The following TNFRSF18 variants were observed in gnomAD, a reference collection of about 807,000 sequenced individuals.
TNFRSF18 encodes tumor necrosis factor receptor superfamily member 18.
A neutral mutation model predicts 30.2 loss-of-function variants in TNFRSF18; 36 were observed. The ratio of observed to expected loss-of-function variants is 1.19; its 90% CI spans 0.91 to 1.58. The LOEUF (loss-of-function observed/expected upper bound fraction) is 1.58, where lower values mean the gene tolerates loss of function less well. TNFRSF18 is among the 40% of genes most tolerant of loss of function. The probability of loss-of-function intolerance (pLI) is 0.00; values close to 1 mark genes in which losing one functional copy is unlikely to be tolerated. For missense variants in TNFRSF18, 369 were observed against 345.4 expected (o/e 1.07, Z -0.54); for synonymous variants, 173 against 158.3 (o/e 1.09, Z -0.70).
chr1:1,206,370 A>C lies in TNFRSF18; in HGVS notation c.187+15T>G, dbSNP rs775624219. 3 of 1,545,348 alleles carry C rather than the reference A, an allele frequency of 1.9e-6. No individual in the cohort carries two copies. In the South Asian group the frequency reaches 3.6e-5, roughly 18 times the overall value. ...GCCTTGGCCGGTCCGCGTTAAGTAA[A>C]CGCGGTTTACTTACCCGGGTAATCG... On this transcript the variant is annotated intron_variant, in intron 1 of 4. Coordinates refer to ENST00000379268, the MANE Select transcript of TNFRSF18 (RefSeq NM_004195.3).
rs1648705526 is a variant in TNFRSF18 at position 1,204,383 on chromosome 1, C to A, written c.398+16G>T. 6.2e-7 allele frequency: 1 copy of A among 1,610,514 alleles called. No individual in the cohort carries two copies. Among genetic ancestry groups the A allele is most frequent in the South Asian group, 1.1e-5 (1 of 90,994 alleles). ...CTGGACCACCCGGCCACCGGCAGGG[C>A]CCACCCAGGACTCACTCTGTCCAAG... On this transcript the variant is annotated intron_variant, in intron 3 of 4. Coordinates refer to ENST00000379268, the MANE Select transcript of TNFRSF18 (RefSeq NM_004195.3).
At chr1:1,206,083 C>T (rs770899027) in intron 1 of TNFRSF18, among the ~76,000 whole-genome samples, 8 of 152,146 alleles carry the variant, frequency 5.3e-5, no homozygotes, top group African/African-American at 1.4e-4. Flanking sequence ...CAAGGGCTCA[C>T]GACCCGCCCA....
At chr1:1,206,177 G>A (rs979045011) in intron 1 of TNFRSF18, among the ~76,000 whole-genome samples, 1 of 152,186 alleles carries the variant, frequency 6.6e-6, no homozygotes, top group Admixed American at 6.5e-5. Flanking sequence ...CCTGCTCCCG[G>A]CCGGGGCCAC....
At chr1:1,204,722 G>A (rs1291437177) in intron 2 of TNFRSF18, among the ~76,000 whole-genome samples, 1 of 152,208 alleles carries the variant, frequency 6.6e-6, no homozygotes, top group East Asian at 1.9e-4. Context: ...GAGGTGCGCA[G>A]AGTGCAGTGG....
In TNFRSF18 at chr1:1,203,585, C is replaced by T. The variant is rs759700444; in HGVS notation, c.*259G>A. The T allele has an allele frequency of 1.3e-6, 2 of 1,500,432 alleles. No homozygotes were observed. The highest frequency in any genetic ancestry group is 1.8e-6 in the Non-Finnish European group (2 of 1,133,310). The allele number at this position is 1,500,432 out of a possible 1,614,324, so 92.9% of individuals were successfully genotyped here. A position where few individuals can be genotyped will look rare whatever the true frequency, so the allele number is the denominator to read the frequency against. The stretch of plus-strand genomic sequence containing the variant: ...CACTGCACACCCACGGACACAGCCT[C>T]CCGTCCTAAGACCCCACCCCATCAG... On this transcript the variant is annotated 3_prime_UTR_variant, in exon 5 of 5. Coordinates refer to ENST00000379268, the MANE Select transcript of TNFRSF18 (RefSeq NM_004195.3).
At chr1:1,205,149 G>A (rs1459043034) in intron 2 of TNFRSF18, among the ~76,000 whole-genome samples, 3 of 152,114 alleles carry the variant, frequency 2.0e-5, no homozygotes, top group Non-Finnish European at 2.9e-5. Flanking sequence ...CACAGCCCTC[G>A]TGCTGGATGG....
chr1:1,206,312 G>A (rs867851792), intron 1 of TNFRSF18, 73 bp downstream of exon 1: 4 of 1,499,120 alleles, frequency 2.7e-6, no homozygotes, highest in African/African-American at 2.8e-5. Flanking sequence ...GCACGGGAAG[G>A]GGGGCGCCCA....
chr1:1,205,326 A>AC, intron 2 of TNFRSF18, 44 bp downstream of exon 2: 1 of 1,593,318 alleles, frequency 6.3e-7, no homozygotes, highest in Non-Finnish European at 8.5e-7. Context: ...CCCTAGTGGA[A>AC]CCCCTGGCCT....
chr1:1,205,928 C>G (rs1236962887), intron 1 of TNFRSF18, among the ~76,000 whole-genome samples: 1 of 152,222 alleles, frequency 6.6e-6, no homozygotes, highest in African/African-American at 2.4e-5. Context: ...GGAAGAAGCT[C>G]TGGGGTGACT....
chr1:1,206,491 G>C lies in TNFRSF18; in HGVS notation c.81C>G (p.Arg27=), dbSNP rs1466559758. The C allele has an allele frequency of 1.3e-6, 2 of 1,546,022 alleles. No homozygotes were observed. Among genetic ancestry groups the C allele is most frequent in the African/African-American group, 1.4e-5 (1 of 72,530 alleles). The change falls in exon 1 of 5, where the codon CGC becomes CGG. Residue 27 remains arginine, a synonymous_variant. Transcript: ENST00000379268. ...GGCCGCACCCGGGACCCCCGGTGGGGCGCTGACCCAGGCTGAGCGCGCACA... is the reference window on the plus strand; with the variant it reads ...GGCCGCACCCGGGACCCCCGGTGGGCCGCTGACCCAGGCTGAGCGCGCACA... ...ALLCALSLGQ[R]PTGGPGCGPG...
In TNFRSF18 at chr1:1,204,433, C is replaced by T. The variant is rs371599555; in HGVS notation, c.364G>A (p.Gly122Arg). Residue 122 changes from glycine to arginine, a missense_variant, in exon 3 of 5, where the codon GGG becomes AGG. Physicochemically the swap from Gly to Arg is moderately radical, Grantham distance 125. Coordinates refer to ENST00000379268, the MANE Select transcript of TNFRSF18 (RefSeq NM_004195.3). The stretch of plus-strand genomic sequence containing the variant: ...GGTTTGCAGTGGCCTTCGTGGCCCC[C>T]GGAGAAGGTCCCCGAGGCACAGTCG... Reference protein sequence around the residue: ...CIDCASGTFSGGHEGHCKPWT... With the variant: ...CIDCASGTFSRGHEGHCKPWT... 2.3e-5 allele frequency: 35 copies of T among 1,523,494 alleles called. No individual in the cohort carries two copies. Among genetic ancestry groups the T allele is most frequent in the Non-Finnish European group, 2.9e-5 (33 of 1,123,088 alleles). 94.4% of individuals were successfully genotyped at this position (1,523,494 alleles called of 1,614,324 possible).
Position 1,203,679 on chromosome 1 carries a change from G to A in TNFRSF18, c.*165C>T, listed in dbSNP as rs757960778. 20 of 1,549,466 alleles carry A rather than the reference G, an allele frequency of 1.3e-5. No individual in the cohort carries two copies. Among genetic ancestry groups the A allele is most frequent in the Admixed American group, 7.5e-5 (4 of 53,548 alleles). Reference sequence around the variant, plus strand: ...CCTCCTGCAGGGCCCAGCCGCGGCCGCCGAACTGCATGGTCCAGGGCGCTG... The same window carrying A: ...CCTCCTGCAGGGCCCAGCCGCGGCCACCGAACTGCATGGTCCAGGGCGCTG... On this transcript the variant is annotated 3_prime_UTR_variant, in exon 5 of 5. Coordinates refer to ENST00000379268, the MANE Select transcript of TNFRSF18 (RefSeq NM_004195.3).
Position 1,204,118 on chromosome 1 carries a change from C to T in TNFRSF18, c.517G>A (p.Val173Met), listed in dbSNP as rs11466693. Reference protein sequence around the residue: ...LGWLTVVLLAVAACVLLLTSA... With the variant: ...LGWLTVVLLAMAACVLLLTSA... ...GTCAGGAGGAGGACGCAGGCGGCCA[C>T]GGCCAGGAGGACGACGGTCAGCCAC... The change falls in exon 4 of 5, where the codon GTG (valine) becomes ATG (methionine). Residue 173 changes from valine (V) to methionine (M), a missense_variant. Coordinates refer to ENST00000379268, the MANE Select transcript of TNFRSF18 (RefSeq NM_004195.3). The T allele has an allele frequency of 8.5e-3, 13,714 of 1,611,008 alleles. 101 individuals are homozygous for T. The highest frequency in any genetic ancestry group is 0.021 in the African/African-American group (1,607 of 75,036).
rs777353445 is a variant in TNFRSF18 at position 1,203,775 on chromosome 1, G to T, written c.*69C>A. The T allele has an allele frequency of 6.4e-7, 1 of 1,564,374 alleles. No individual in the cohort carries two copies. ...GGCCCGGCCCAGAGCAGAACGCAGA[G>T]CCCCTGCGGCCTGGGGAGCTCCTGG... On this transcript the variant is annotated 3_prime_UTR_variant, in exon 5 of 5. Coordinates refer to ENST00000379268, the MANE Select transcript of TNFRSF18 (RefSeq NM_004195.3).
Position 1,206,382 on chromosome 1 carries a change from TA to T in TNFRSF18, c.187+2del. On this transcript the variant is annotated splice_donor_variant, in intron 1 of 4. Coordinates refer to ENST00000379268, the MANE Select transcript of TNFRSF18 (RefSeq NM_004195.3). LOFTEE classifies it high-confidence loss of function. Reference sequence around the variant, plus strand: ...CCGCGTTAAGTAAACGCGGTTTACTTACCCGGGTAATCGCGGCAGCAGCGCG... The same window carrying T: ...CCGCGTTAAGTAAACGCGGTTTACTTCCCGGGTAATCGCGGCAGCAGCGCG... 1 of 1,546,706 alleles carries T rather than the reference TA, an allele frequency of 6.5e-7. No individual in the cohort carries two copies. The highest frequency in any genetic ancestry group is 1.2e-5 in the South Asian group (1 of 83,922).
At position 1,203,989 on chromosome 1, in the gene TNFRSF18, G is replaced by A. The variant is rs747959396; in HGVS notation, c.602-21C>T. ...GGTCTCTGCAGGGGGGCCACGGTCA[G>A]CAGGCAGCCATGCTCCCACCTCCCC... is the stretch of plus-strand genomic sequence containing the variant. On this transcript the variant is annotated intron_variant, in intron 4 of 4. Transcript: ENST00000379268. The A allele has an allele frequency of 6.2e-6, 10 of 1,606,608 alleles. No individual in the cohort carries two copies. The Admixed American group carries it at 1.7e-4, about 27-fold the overall frequency.
In TNFRSF18 at chr1:1,203,518, AG is replaced by A. The variant is rs1648633063; in HGVS notation, c.*325del. On this transcript the variant is annotated 3_prime_UTR_variant, in exon 5 of 5. Coordinates refer to ENST00000379268, the MANE Select transcript of TNFRSF18 (RefSeq NM_004195.3). ...ATGCATCCACTCAGGTCACTGGACA[AG>A]TGTTTATTGAAGGTCCCCTGCAGCC... 1 of 1,415,946 alleles carries A rather than the reference AG, an allele frequency of 7.1e-7. No homozygotes were observed. The highest frequency in any genetic ancestry group is 1.5e-5 in the African/African-American group (1 of 68,294). 87.7% of individuals were successfully genotyped at this position (1,415,946 alleles called of 1,614,324 possible). A position where few individuals can be genotyped will look rare whatever the true frequency, so the allele number is the denominator to read the frequency against.
At chr1:1,204,862 C>A (rs1648736781) in intron 2 of TNFRSF18, among the ~76,000 whole-genome samples, 1 of 152,114 alleles carries the variant, frequency 6.6e-6, no homozygotes, top group Admixed American at 6.5e-5. Context: ...CCCAGTTGAC[C>A]CCAGACCCTG....
Position 1,203,872 on chromosome 1 carries a change from T to C in TNFRSF18, c.698A>G (p.Lys233Arg), listed in dbSNP as rs1570453038. 6.2e-7 allele frequency: 1 copy of C among 1,601,562 alleles called. No homozygotes were observed. Reference sequence around the variant, plus strand: ...CACCCACAGGTCTCCCAGCCGCCCCTTCTCCTCTGCCGATCGCTCGCCCCG... The same window carrying C: ...CACCCACAGGTCTCCCAGCCGCCCCCTCTCCTCTGCCGATCGCTCGCCCCG... ...EERGERSAEE[K>R]GRLGDLWV The change falls in exon 5 of 5, where the codon AAG (lysine) becomes AGG (arginine). Residue 233 changes from lysine (K) to arginine (R), a missense_variant. Transcript: ENST00000379268.
Sources: allele counts gnomAD v4.1 joint callset (sites outside exome capture counted in the v4.1 genomes callset), GRCh38; gene constraint gnomAD v4.1.1; transcripts MANE v1.5; gene names NCBI Gene and HGNC (gene_info 2026-07-23, HGNC 2026-07-21).